Variants in GPATCH8 observed in about 807,000 individuals in gnomAD.
The protein encoded by GPATCH8 is G-patch domain containing 8, also known as G patch domain-containing protein 8.
A neutral mutation model predicts 118.3 loss-of-function variants in GPATCH8; 18 were observed. That is an observed-to-expected ratio of 0.15 (90% CI 0.11 to 0.23). The LOEUF (loss-of-function observed/expected upper bound fraction) is 0.23, where lower values mean the gene tolerates loss of function less well. GPATCH8 is among the 10% of genes least tolerant of loss of function. The pLI is 1.00. For synonymous variants in GPATCH8, 659 were observed against 684.7 expected, an observed-to-expected ratio of 0.96 and a Z score of 0.59; for missense variants, 1,631 against 1,873.8, an observed-to-expected ratio of 0.87 and a Z score of 2.39.
chr17:44,458,273 A>AAT (rs1313956146), intron 3 of GPATCH8, among the ~76,000 whole-genome samples: 7 of 150,130 alleles, frequency 4.7e-5, no homozygotes, highest in African/African-American at 1.7e-4. Flanking sequence ...AAAAAAAAAA[A>AAT]GCTGGATTCA....
chr17:44,448,814 G>T, intron 3 of GPATCH8, among the ~76,000 whole-genome samples: 1 of 151,006 alleles, frequency 6.6e-6, no homozygotes. Flanking sequence ...CTACTTTAGT[G>T]TAACCAATAC....
chr17:44,482,876 G>T (rs1191848397), intron 1 of GPATCH8, among the ~76,000 whole-genome samples: 3 of 151,152 alleles, frequency 2.0e-5, no homozygotes, highest in African/African-American at 7.3e-5. Context: ...GGGTGTCTAG[G>T]CCGGGCGCGG....
At chr17:44,475,436 C>G (rs539703584) in intron 1 of GPATCH8, among the ~76,000 whole-genome samples, 25 of 151,266 alleles carry the variant, frequency 1.7e-4, no homozygotes, top group Non-Finnish European at 3.4e-4. Flanking sequence ...CGGTGGCTCA[C>G]GCCTGTAATC....
At chr17:44,442,603 T>A (rs1428240273) in intron 3 of GPATCH8, among the ~76,000 whole-genome samples, 2 of 152,196 alleles carry the variant, frequency 1.3e-5, no homozygotes, top group African/African-American at 2.4e-5. Flanking sequence ...TAGCTGACAC[T>A]ACAAGTGCCT....
chr17:44,484,505 A>T (rs931514150), intron 1 of GPATCH8, among the ~76,000 whole-genome samples: 5 of 152,186 alleles, frequency 3.3e-5, no homozygotes, highest in Admixed American at 2.6e-4. Flanking sequence ...AAACACGGGC[A>T]AACCAGGTGT....
Position 44,397,519 on chromosome 17 carries a change from C to T in GPATCH8, c.*49G>A. 3.1e-6 allele frequency: 4 copies of T among 1,289,282 alleles called. No individual in the cohort carries two copies. The highest frequency in any genetic ancestry group is 4.5e-6 in the Non-Finnish European group (4 of 884,978). The allele number at this position is 1,289,282 out of a possible 1,614,324, so 79.9% of individuals were successfully genotyped here. A position where few individuals can be genotyped will look rare whatever the true frequency, so the allele number is the denominator to read the frequency against. On this transcript the variant is annotated 3_prime_UTR_variant, in exon 8 of 8. Transcript: ENST00000591680. ...TAATGGCTCAACACCCCCAAGGGAA[C>T]ATTTATGGGTCTCCTCCCCTGGCCC...
At chr17:44,411,454 AG>A (rs1408490421) in intron 6 of GPATCH8, among the ~76,000 whole-genome samples, 1 of 152,200 alleles carries the variant, frequency 6.6e-6, no homozygotes, top group Non-Finnish European at 1.5e-5. Context: ...TATTTGATGG[AG>A]TATACTAAGA....
intron 1 of GPATCH8, among the ~76,000 whole-genome samples, chr17:44,493,674 G>T (rs1791704665): frequency 6.6e-6 from 1 of 152,240 alleles, no homozygotes; most frequent in African/African-American, 2.4e-5. Flanking sequence ...GATGGTGTGA[G>T]CCCAGGAGTT....
At chr17:44,417,931 G>A (rs2049748314) in intron 6 of GPATCH8, among the ~76,000 whole-genome samples, 1 of 152,104 alleles carries the variant, frequency 6.6e-6, no homozygotes, top group South Asian at 2.1e-4. Flanking sequence ...ATGTAAAATT[G>A]AATTTTTAAA....
chr17:44,487,984 G>A (rs1365497195), intron 1 of GPATCH8, among the ~76,000 whole-genome samples: 7 of 146,290 alleles, frequency 4.8e-5, no homozygotes, highest in African/African-American at 1.8e-4. Context: ...GTGCAGTGGC[G>A]CGATCTCAGC....
chr17:44,502,392 A>G (rs1251068344), intron 1 of GPATCH8, among the ~76,000 whole-genome samples: 2 of 148,188 alleles, frequency 1.3e-5, no homozygotes, highest in Non-Finnish European at 1.5e-5. Flanking sequence ...CTACGGATGT[A>G]TTTTACCTAG....
intron 3 of GPATCH8, among the ~76,000 whole-genome samples, chr17:44,460,825 G>A (rs2051516186): frequency 6.6e-6 from 1 of 152,160 alleles, no homozygotes; most frequent in Admixed American, 6.5e-5. Flanking sequence ...GTTTAGTATG[G>A]TCAAAGAAAT....
chr17:44,414,153 A>G (rs2049585806), intron 6 of GPATCH8, among the ~76,000 whole-genome samples: 1 of 34,218 alleles, frequency 2.9e-5, no homozygotes, highest in African/African-American at 6.9e-5. Flanking sequence ...GTGTATATAT[A>G]TATGTGTATA....
In GPATCH8 at chr17:44,436,492, G is replaced by T; in HGVS notation, c.247C>A (p.Arg83Ser). The change falls in exon 4 of 8, where the codon CGC (arginine) becomes AGC (serine). Residue 83 changes from arginine to serine, a missense_variant. Physicochemically the swap from Arg to Ser is moderately radical, Grantham distance 110. Coordinates refer to ENST00000591680, the MANE Select transcript of GPATCH8 (RefSeq NM_001002909.4). ...VVKYDVMGMG[R>S]MEMELDYAED... ...GATCAATTTACCTCCATTTCCATGC[G>T]ACCCATGCCCATGACATCATACTTG... 1 of 1,438,150 alleles carries T rather than the reference G, an allele frequency of 7.0e-7. No homozygotes were observed. Among genetic ancestry groups the T allele is most frequent in the Non-Finnish European group, 9.8e-7 (1 of 1,019,434 alleles). 89.1% of individuals were successfully genotyped at this position (1,438,150 alleles called of 1,614,324 possible).
chr17:44,460,866 T>C (rs1003472841), intron 3 of GPATCH8, among the ~76,000 whole-genome samples: 1 of 152,158 alleles, frequency 6.6e-6, no homozygotes, highest in African/African-American at 2.4e-5. Context: ...ATGCAATAAA[T>C]GTGGATATAT....
Position 44,400,650 on chromosome 17 carries a change from G to A in GPATCH8, c.1427C>T (p.Pro476Leu). The A allele has an allele frequency of 6.2e-7, 1 of 1,613,204 alleles. No individual in the cohort carries two copies. The highest frequency in any genetic ancestry group is 1.1e-5 in the South Asian group (1 of 91,008). ...KETSMTEPSE[P>L]GSKAEAKKAL... Reference sequence around the variant, plus strand: ...CTTCTTTGCCTCAGCTTTGCTTCCTGGTTCTGAGGGCTCGGTCATGCTGGT... The same window carrying A: ...CTTCTTTGCCTCAGCTTTGCTTCCTAGTTCTGAGGGCTCGGTCATGCTGGT... The change falls in exon 8 of 8, where the codon CCA becomes CTA. Residue 476 changes from proline to leucine, a missense_variant. Physicochemically the swap from Pro to Leu is moderately conservative, Grantham distance 98 (BLOSUM62 -3). This residue lies in a region of GPATCH8 where 405 missense variants were observed against 462.7 expected (regional missense o/e 0.88). Coordinates refer to ENST00000591680, the MANE Select transcript of GPATCH8 (RefSeq NM_001002909.4).
chr17:44,436,100 G>C (rs2050506060), intron 4 of GPATCH8, among the ~76,000 whole-genome samples: 1 of 149,250 alleles, frequency 6.7e-6, no homozygotes, highest in African/African-American at 2.5e-5. Flanking sequence ...ATGAAAAGCA[G>C]GTATTACAGG....
intron 3 of GPATCH8, among the ~76,000 whole-genome samples, chr17:44,448,375 T>G (rs1025877267): frequency 6.7e-6 from 1 of 150,160 alleles, no homozygotes; most frequent in Non-Finnish European, 1.5e-5. Context: ...CTAGGCAACA[T>G]AGGGAGACCC....
intron 3 of GPATCH8, among the ~76,000 whole-genome samples, chr17:44,444,959 G>A (rs1296856962): frequency 1.3e-5 from 2 of 152,134 alleles, no homozygotes; most frequent in African/African-American, 4.8e-5. Context: ...ATCATGATGC[G>A]CGCCGCTTAA....
Sources: gnomAD v4.1 joint callset for allele counts (sites outside exome capture counted in the v4.1 genomes callset) on GRCh38, gnomAD v4.1.1 for gene constraint, gnomAD v4.1.1 regional missense constraint, MANE v1.5 for transcripts, NCBI Gene and HGNC (gene_info 2026-07-23, HGNC 2026-07-21) for gene names.